The following RCN3 variants were observed in gnomAD, a reference collection of about 807,000 sequenced individuals.
The protein encoded by RCN3 is reticulocalbin 3.
In RCN3, 41 loss-of-function variants were observed where a neutral mutation model predicts 35.9. The observed-to-expected ratio is 1.14, with a 90% confidence interval of 0.89 to 1.48. The LOEUF is 1.48. Among genes scored for constraint, RCN3 ranks in the 40% most tolerant of loss-of-function variants. The pLI, the probability that RCN3 is intolerant of heterozygous loss-of-function variation, is 0.00. For synonymous variants in RCN3, 187 were observed against 193.4 expected (o/e 0.97, Z 0.27); for missense variants, 451 against 471.3 (o/e 0.96, Z 0.40).
At chr19:49,538,663 T>G (rs2080148514) in intron 4 of RCN3, among the ~76,000 whole-genome samples, 1 of 152,038 alleles carries the variant, frequency 6.6e-6, no homozygotes, top group Admixed American at 6.6e-5. Context: ...CAAAAGTCGT[T>G]TTGCTCCAGA....
At position 49,538,193 on chromosome 19, in the gene RCN3, C is replaced by T. The variant is rs371431010; in HGVS notation, c.619-926C>T. Among the ~76,000 whole-genome samples the T allele has an allele frequency of 4.6e-3, 680 of 147,748 alleles. 2 individuals are homozygous for T. The highest frequency in any genetic ancestry group is 0.016 in the African/African-American group (626 of 40,022). ...TTTTTTTTTTTTTCAGACGGAGTCT[C>T]GCTCTGTCGCCCATGCTGGAGTGCA... On this transcript the variant is annotated intron_variant, in intron 4 of 6. Coordinates refer to ENST00000270645, the MANE Select transcript of RCN3 (RefSeq NM_020650.3).
intron 5 of RCN3, among the ~76,000 whole-genome samples, chr19:49,541,252 C>T (rs2080161593): frequency 6.6e-6 from 1 of 152,012 alleles, no homozygotes; most frequent in African/African-American, 2.4e-5. Context: ...TACTTCATCC[C>T]ATTAAGACTT....
chr19:49,532,927 T>G (rs1022731293), intron 2 of RCN3, among the ~76,000 whole-genome samples: 4 of 145,276 alleles, frequency 2.8e-5, no homozygotes, highest in Non-Finnish European at 1.5e-5. Context: ...TCGCCTGTCT[T>G]GGCTTCCCAA....
In RCN3 at chr19:49,543,414, C is replaced by G; in HGVS notation, c.*201C>G. The stretch of plus-strand genomic sequence containing the variant: ...AACCCCAGGGAGGGGCTGTCATAGT[C>G]CCAGAGGATAAGCAATACCTATTTC... On this transcript the variant is annotated 3_prime_UTR_variant, in exon 7 of 7. Coordinates refer to ENST00000270645, the MANE Select transcript of RCN3 (RefSeq NM_020650.3). 1.7e-6 allele frequency: 1 copy of G among 601,470 alleles called. No homozygotes were observed. Among genetic ancestry groups the G allele is most frequent in the South Asian group, 1.9e-5 (1 of 51,828 alleles). 37.3% of individuals were successfully genotyped at this position (601,470 alleles called of 1,614,324 possible).
Position 49,534,316 on chromosome 19 carries a change from G to A in RCN3, c.366G>A (p.Trp122Ter), listed in dbSNP as rs762660070. Residue 122 changes from tryptophan (W) to a stop codon, truncating the protein, a stop_gained, in exon 3 of 7, where the codon TGG (tryptophan) becomes TGA (stop). Transcript: ENST00000270645. LOFTEE classifies it high-confidence loss of function. ...TACGGGACTCGGTGAGCGCGGCCTGGGACACGTACGACACGGACCGCGACG... is the reference window on the plus strand; with the variant it reads ...TACGGGACTCGGTGAGCGCGGCCTGAGACACGTACGACACGGACCGCGACG... ...RHIRDSVSAAWDTYDTDRDGR... is the reference protein window; with the variant it reads ...RHIRDSVSAA The A allele has an allele frequency of 2.7e-6, 4 of 1,505,764 alleles. No individual in the cohort carries two copies. The highest frequency in any genetic ancestry group is 2.7e-6 in the Non-Finnish European group (3 of 1,129,196). 93.3% of individuals were successfully genotyped at this position (1,505,764 alleles called of 1,614,324 possible).
At chr19:49,536,206 G>GAACTCCCA (rs1361558572) in intron 3 of RCN3, among the ~76,000 whole-genome samples, 2 of 149,552 alleles carry the variant, frequency 1.3e-5, no homozygotes, top group Non-Finnish European at 3.0e-5. Context: ...GGCTGGTCTC[G>GAACTCCCA]AACTCCCAAC....
At chr19:49,531,809 T>A (rs1358229303) in intron 2 of RCN3, among the ~76,000 whole-genome samples, 2 of 152,138 alleles carry the variant, frequency 1.3e-5, no homozygotes, top group African/African-American at 4.8e-5. Flanking sequence ...GTTATTATTA[T>A]TATTATTTTG....
At chr19:49,537,794 C>T (rs1011016308) in intron 4 of RCN3, among the ~76,000 whole-genome samples, 7 of 147,266 alleles carry the variant, frequency 4.8e-5, no homozygotes, top group East Asian at 2.0e-4. Context: ...CCACCGTGCC[C>T]GGCCAATTTT....
chr19:49,533,553 G>A (rs1411614979), intron 2 of RCN3, among the ~76,000 whole-genome samples: 1 of 152,168 alleles, frequency 6.6e-6, no homozygotes, highest in Non-Finnish European at 1.5e-5. Flanking sequence ...CATGGGGAGG[G>A]GCAGAGGGAG....
At chr19:49,530,740 C>T (rs1359400283) in intron 2 of RCN3, among the ~76,000 whole-genome samples, 1 of 152,176 alleles carries the variant, frequency 6.6e-6, no homozygotes, top group Non-Finnish European at 1.5e-5. Flanking sequence ...AGGTGATCTG[C>T]CCACCTCGGC....
At position 49,528,547 on chromosome 19, in the gene RCN3, C is replaced by A; in HGVS notation, c.75C>A (p.Asp25Glu). The stretch of plus-strand genomic sequence containing the variant: ...GGGCCCAGGGGAAGCCATCCCCAGA[C>A]GCAGGCCCTCATGGCCAGGGGAGGG... ...RHGAQGKPSP[D>E]AGPHGQGRVH... is the part of the protein sequence containing the mutation. The change falls in exon 2 of 7, where the codon GAC becomes GAA. Residue 25 changes from aspartate (D) to glutamate (E), a missense_variant. Physicochemically the swap from Asp to Glu is conservative, Grantham distance 45. Coordinates refer to ENST00000270645, the MANE Select transcript of RCN3 (RefSeq NM_020650.3). 6.3e-7 allele frequency: 1 copy of A among 1,588,228 alleles called. No individual in the cohort carries two copies. Among genetic ancestry groups the A allele is most frequent in the Non-Finnish European group, 8.6e-7 (1 of 1,168,760 alleles).
At chr19:49,537,318 A>C (rs2080141209) in intron 4 of RCN3, 113 bp downstream of exon 4, 1 of 1,116,346 alleles carries the variant, frequency 9.0e-7, no homozygotes, top group African/African-American at 1.6e-5. Context: ...CTGGTTCTCC[A>C]GCATCTTGCC....
chr19:49,529,564 G>A (rs2080098370), intron 2 of RCN3, among the ~76,000 whole-genome samples: 1 of 152,240 alleles, frequency 6.6e-6, no homozygotes, highest in East Asian at 1.9e-4. Flanking sequence ...TCTAGGTGCT[G>A]AAGTCACAAC....
At chr19:49,538,161 G>GTTTTT (rs1205196408) in intron 4 of RCN3, among the ~76,000 whole-genome samples, 46 of 120,498 alleles carry the variant, frequency 3.8e-4, no homozygotes, top group African/African-American at 1.4e-3. Context: ...TCTGGCTAAT[G>GTTTTT]TTTTTTTTTT....
In RCN3 at chr19:49,539,254, A is replaced by T. The variant is rs554205918; in HGVS notation, c.679+75A>T. 2.4e-5 allele frequency: 29 copies of T among 1,199,502 alleles called. No individual in the cohort carries two copies. In the East Asian group the frequency reaches 6.9e-4, roughly 28 times the overall value. 74.3% of individuals were successfully genotyped at this position (1,199,502 alleles called of 1,614,324 possible). ...GGGCAGGGTTGGTGGGGGTAGCCGG[A>T]GGTACATCACCCATCATCAGAGAAC... On this transcript the variant is annotated intron_variant, in intron 5 of 6. Coordinates refer to ENST00000270645, the MANE Select transcript of RCN3 (RefSeq NM_020650.3).
At chr19:49,539,227 A>G (rs766863802) in intron 5 of RCN3, 48 bp downstream of exon 5, 1 of 1,516,154 alleles carries the variant, frequency 6.6e-7, no homozygotes, top group African/African-American at 1.4e-5. Context: ...TCTCTCAGGC[A>G]TGGGCAGGGT....
chr19:49,533,312 C>G (rs968630685), intron 2 of RCN3, among the ~76,000 whole-genome samples: 1 of 152,056 alleles, frequency 6.6e-6, no homozygotes, highest in Non-Finnish European at 1.5e-5. Context: ...TCTGCTGTCT[C>G]GGATTTTCGA....
chr19:49,532,360 C>T (rs527961961), intron 2 of RCN3, among the ~76,000 whole-genome samples: 2 of 151,716 alleles, frequency 1.3e-5, no homozygotes, highest in Non-Finnish European at 2.9e-5. Context: ...CCTCCTCGGC[C>T]TCCAAAGTGT....
chr19:49,543,537 A>C lies in RCN3; in HGVS notation c.*324A>C. On this transcript the variant is annotated 3_prime_UTR_variant, in exon 7 of 7. Coordinates refer to ENST00000270645, the MANE Select transcript of RCN3 (RefSeq NM_020650.3). ...CCAGCTCCAAATCTGAGCCTCCACC[A>C]CATAGACTGAAACTCCCCTGGCCCC... 2.9e-6 allele frequency: 1 copy of C among 346,712 alleles called. No individual in the cohort carries two copies. The highest frequency in any genetic ancestry group is 5.5e-6 in the Non-Finnish European group (1 of 181,914). The allele number at this position is 346,712 out of a possible 1,614,324, so 21.5% of individuals were successfully genotyped here.
Sources: allele counts gnomAD v4.1 joint callset (sites outside exome capture counted in the v4.1 genomes callset), GRCh38; gene constraint gnomAD v4.1.1; transcripts MANE v1.5; gene names NCBI Gene and HGNC (gene_info 2026-07-23, HGNC 2026-07-21).